TBX1: variants seen among roughly 807,000 people sequenced by gnomAD.
The protein encoded by TBX1 is T-box transcription factor 1.
In TBX1, 16 loss-of-function variants were observed where a neutral mutation model predicts 40.8. The observed-to-expected ratio is 0.39, with a 90% CI of 0.27 to 0.60. TBX1 has a LOEUF of 0.60. TBX1 is among the 20% of genes least tolerant of loss of function. The pLI is 0.51. For synonymous variants in TBX1, 403 were observed against 336.8 expected, an observed-to-expected ratio of 1.20 and a Z score of -2.15; for missense variants, 755 against 728.5, an observed-to-expected ratio of 1.04 and a Z score of -0.42.
Position 19,767,005 on chromosome 22 carries a change from T to A in TBX1, c.*138T>A. The A allele has an allele frequency of 1.4e-6, 2 of 1,380,862 alleles. No homozygotes were observed. Among genetic ancestry groups the A allele is most frequent in the South Asian group, 3.1e-5 (2 of 63,672 alleles). The allele number at this position is 1,380,862 out of a possible 1,614,324, so 85.5% of individuals were successfully genotyped here. ...ACCGCGGCTCTCCCCTTCCCCAGCC[T>A]CGAAGCCATGGGGGCCCCCTCGCCA... On this transcript the variant is annotated 3_prime_UTR_variant, in exon 7 of 7. Coordinates refer to ENST00000649276, the MANE Select transcript of TBX1 (RefSeq NM_001379200.1).
chr22:19,766,166 G>A, intron 6 of TBX1, 164 bp downstream of exon 6: 1 of 777,296 alleles, frequency 1.3e-6, no homozygotes, highest in South Asian at 5.8e-5. Context: ...CGCCCGGCCC[G>A]ACGGCTGCGC....
downstream of TBX1, among the ~76,000 whole-genome samples, chr22:19,782,494 C>T (rs1294815325): frequency 4.6e-5 from 7 of 152,296 alleles, no homozygotes; most frequent in East Asian, 1.4e-3. Context: ...GTTTGTGACA[C>T]TTTAGCATCT....
At chr22:19,768,953 C>CTTTTTTTTTTTTTTTTTTTGTT, downstream of TBX1, among the ~76,000 whole-genome samples, 1 of 66,108 alleles carries the variant, frequency 1.5e-5, no homozygotes, top group Non-Finnish European at 3.0e-5. Flanking sequence ...TGTTCGCATT[C>CTTTTTTTTTTTTTTTTTTTGTT]TTTTTTTTTT....
downstream of TBX1, among the ~76,000 whole-genome samples, chr22:19,767,750 TG>T (rs1372944463): frequency 6.6e-6 from 1 of 152,200 alleles, no homozygotes; most frequent in South Asian, 2.1e-4. Flanking sequence ...CCATGGAAGC[TG>T]GGAAGAAGGG....
chr22:19,759,404 C>T (rs890308293), upstream of TBX1: 9 of 857,406 alleles, frequency 1.0e-5, no homozygotes, highest in Non-Finnish European at 1.3e-5. Context: ...CAGGCCCCCG[C>T]CCCCGGACTC....
intron 4 of TBX1, 23 bp downstream of exon 4, chr22:19,765,136 T>C (rs1419019233): frequency 6.2e-7 from 1 of 1,613,932 alleles, no homozygotes; most frequent in Non-Finnish European, 8.5e-7. Flanking sequence ...GGGGAGGACC[T>C]GAGCGGATTC....
intron 8 of TBX1, among the ~76,000 whole-genome samples, chr22:19,775,775 C>G (rs1313054793): frequency 6.6e-6 from 1 of 152,208 alleles, no homozygotes; most frequent in African/African-American, 2.4e-5. Flanking sequence ...TGGCATGAAG[C>G]GGTGCCCCAG....
chr22:19,773,729 G>C (rs1937024007), intron 8 of TBX1, among the ~76,000 whole-genome samples: 1 of 152,256 alleles, frequency 6.6e-6, no homozygotes, highest in Non-Finnish European at 1.5e-5. Flanking sequence ...TGGAGCCCCA[G>C]GCATCTCGGC....
downstream of TBX1, chr22:19,782,986 T>G: frequency 7.8e-7 from 1 of 1,280,808 alleles, no homozygotes; most frequent in East Asian, 2.3e-5. Flanking sequence ...GTAAGAAGTC[T>G]GAGTCCCTGA....
chr22:19,770,472 A>G (rs1337379966), downstream of TBX1, among the ~76,000 whole-genome samples: 1 of 152,224 alleles, frequency 6.6e-6, no homozygotes, highest in African/African-American at 2.4e-5. Context: ...TCCATTGCCC[A>G]GAGAGGCTTC....
rs1471161302 is a variant in TBX1 at position 19,766,392 on chromosome 22, C to G, written c.1040C>G (p.Ala347Gly). The change falls in exon 7 of 7, where the codon GCG (alanine) becomes GGG (glycine). Residue 347 changes from alanine (A) to glycine (G), a missense_variant. Physicochemically the swap from Ala to Gly is moderately conservative, Grantham distance 60. Around this residue, in one of 3 missense-constraint regions of TBX1, gnomAD observed 412 missense variants for 317.6 expected, o/e 1.30. Coordinates refer to ENST00000649276, the MANE Select transcript of TBX1 (RefSeq NM_001379200.1). Reference sequence around the variant, plus strand: ...CACTCCTCGGCCCTCTCCGCAGACGCGGCTGAGGCCCGGCGAGAATTCCAG... The same window carrying G: ...CACTCCTCGGCCCTCTCCGCAGACGGGGCTGAGGCCCGGCGAGAATTCCAG... ...PTQPSGTEKD[A>G]AEARREFQRD... The G allele has an allele frequency of 1.5e-6, 2 of 1,336,436 alleles. No homozygotes were observed. Among genetic ancestry groups the G allele is most frequent in the Non-Finnish European group, 1.9e-6 (2 of 1,043,752 alleles). 82.8% of individuals were successfully genotyped at this position (1,336,436 alleles called of 1,614,324 possible).
At position 19,767,113 on chromosome 22, in the gene TBX1, A is replaced by AG. The variant is rs1429174676; in HGVS notation, c.*251dup. On this transcript the variant is annotated 3_prime_UTR_variant, in exon 7 of 7. Transcript: ENST00000649276. ...GGTCCTTCCCCGGCCCCGAGGGCCAAGGGGGTCCCCGCCCGCCAGTGCCAA... is the reference window on the plus strand; with the variant it reads ...GGTCCTTCCCCGGCCCCGAGGGCCAAGGGGGGTCCCCGCCCGCCAGTGCCAA... 19 of 1,247,222 alleles carry AG rather than the reference A, an allele frequency of 1.5e-5. No individual in the cohort carries two copies. Among genetic ancestry groups the AG allele is most frequent in the Non-Finnish European group, 1.9e-5 (19 of 997,108 alleles). 77.3% of individuals were successfully genotyped at this position (1,247,222 alleles called of 1,614,324 possible). A position where few individuals can be genotyped will look rare whatever the true frequency, so the allele number is the denominator to read the frequency against.
In TBX1 at chr22:19,765,783, A is replaced by G; in HGVS notation, c.893A>G (p.Asn298Ser). Reference protein sequence around the residue: ...HRITQLKIASNPFAKGFRDCD... With the variant: ...HRITQLKIASSPFAKGFRDCD... Reference sequence around the variant, plus strand: ...ATCACGCAGCTCAAGATTGCCAGCAATCCCTTCGCGAAAGGCTTCCGGGAC... The same window carrying G: ...ATCACGCAGCTCAAGATTGCCAGCAGTCCCTTCGCGAAAGGCTTCCGGGAC... Residue 298 changes from asparagine to serine, a missense_variant, in exon 5 of 7, where the codon AAT (asparagine) becomes AGT (serine). Physicochemically the swap from Asn to Ser is conservative, Grantham distance 46. Coordinates refer to ENST00000649276, the MANE Select transcript of TBX1 (RefSeq NM_001379200.1). 1 of 1,611,674 alleles carries G rather than the reference A, an allele frequency of 6.2e-7. No individual in the cohort carries two copies. The highest frequency in any genetic ancestry group is 8.5e-7 in the Non-Finnish European group (1 of 1,179,210).
downstream of TBX1, among the ~76,000 whole-genome samples, chr22:19,782,559 A>T (rs145935921): frequency 7.4e-4 from 112 of 152,228 alleles, no homozygotes; most frequent in Admixed American, 1.3e-3. Context: ...CCATTGCATT[A>T]TCCTTTCATT....
rs2145828636 is a variant in TBX1 at position 19,761,242 on chromosome 22, C to T, written c.399C>T (p.Asn133=). 1 of 1,571,296 alleles carries T rather than the reference C, an allele frequency of 6.4e-7. No individual in the cohort carries two copies. The highest frequency in any genetic ancestry group is 8.6e-7 in the Non-Finnish European group (1 of 1,157,438). Residue 133 remains asparagine (N), a synonymous_variant, in exon 1 of 7, where the codon AAC becomes AAT. Transcript: ENST00000649276. Reference sequence around the variant, plus strand: ...TGAAGGCGCTGTGGGACGAGTTCAACCAGCTGGGCACCGAGATGATCGTCA... The same window carrying T: ...TGAAGGCGCTGTGGGACGAGTTCAATCAGCTGGGCACCGAGATGATCGTCA... ...LEMKALWDEF[N]QLGTEMIVTK...
chr22:19,779,498 A>G (rs1936316455), exon 9 of TBX1: 1 of 1,584,442 alleles, frequency 6.3e-7, no homozygotes, highest in African/African-American at 1.3e-5. Context: ...AAAAACAGTG[A>G]CTTGTTCAGT....
chr22:19,777,131 T>C (rs1937077895), intron 8 of TBX1, among the ~76,000 whole-genome samples: 1 of 152,190 alleles, frequency 6.6e-6, no homozygotes, highest in Non-Finnish European at 1.5e-5. Context: ...TACATATGTA[T>C]ACATGTGCCA....
At chr22:19,757,602 G>T (rs549433853), upstream of TBX1, among the ~76,000 whole-genome samples, 34 of 152,264 alleles carry the variant, frequency 2.2e-4, no homozygotes, top group Admixed American at 3.9e-4. Context: ...GGCCTCTCTG[G>T]GTGCAGACTG....
upstream of TBX1, among the ~76,000 whole-genome samples, chr22:19,757,777 C>T (rs1349081709): frequency 1.3e-5 from 2 of 152,240 alleles, no homozygotes; most frequent in Non-Finnish European, 2.9e-5. Flanking sequence ...GGTCCATCCC[C>T]ACACAGCACT....
Sources: allele counts gnomAD v4.1 joint callset (sites outside exome capture counted in the v4.1 genomes callset), GRCh38; gene constraint gnomAD v4.1.1; regional missense constraint gnomAD v4.1.1; transcripts MANE v1.5; gene names NCBI Gene and HGNC (gene_info 2026-07-23, HGNC 2026-07-21).